Variants in NUP160 observed in about 807,000 individuals in gnomAD.
NUP160 encodes nucleoporin 160.
A neutral mutation model predicts 196.9 loss-of-function variants in NUP160; 94 were observed. The ratio of observed to expected loss-of-function variants is 0.48; its 90% confidence interval spans 0.40 to 0.57. The LOEUF (loss-of-function observed/expected upper bound fraction) is 0.57, where lower values mean the gene tolerates loss of function less well. Among genes scored for constraint, NUP160 ranks in the 20% least tolerant of loss-of-function variants. NUP160 has a pLI of 0.00. For synonymous variants in NUP160, 605 were observed against 619.7 expected, an observed-to-expected ratio of 0.98 and a Z score of 0.35; for missense variants, 1,638 against 1,748.3, an observed-to-expected ratio of 0.94 and a Z score of 1.13.
At chr11:47,809,910 G>A (rs2097680145) in intron 17 of NUP160, among the ~76,000 whole-genome samples, 1 of 151,770 alleles carries the variant, frequency 6.6e-6, no homozygotes, top group African/African-American at 2.4e-5. Flanking sequence ...AATGTGCATG[G>A]AAAAAAACGT....
At chr11:47,829,224 T>C (rs1276303681) in intron 7 of NUP160, among the ~76,000 whole-genome samples, 1 of 152,198 alleles carries the variant, frequency 6.6e-6, no homozygotes, top group Non-Finnish European at 1.5e-5. Flanking sequence ...TCCAGAATAA[T>C]ACAGTTACAT....
intron 7 of NUP160, among the ~76,000 whole-genome samples, chr11:47,824,551 A>G (rs1471979647): frequency 3.3e-5 from 5 of 151,238 alleles, no homozygotes; most frequent in Admixed American, 3.3e-4. Context: ...CGGAGCTTGC[A>G]GTGAGTCAAG....
At chr11:47,802,090 G>A (rs1396882855) in intron 22 of NUP160, among the ~76,000 whole-genome samples, 160 bp from the exon 23 acceptor site, 1 of 152,188 alleles carries the variant, frequency 6.6e-6, no homozygotes, top group African/African-American at 2.4e-5. Context: ...TCTATGTGAT[G>A]CATTCATATT....
chr11:47,780,540 C>T (rs929991548), intron 34 of NUP160, 93 bp from the exon 35 acceptor site: 4 of 424,506 alleles, frequency 9.4e-6, no homozygotes, highest in East Asian at 4.9e-5. Flanking sequence ...ATAAAATACC[C>T]TTTTTTTTTT....
At chr11:47,778,118 T>C (rs2097658597) in exon 36 of NUP160, 1 of 140,464 alleles carries the variant, frequency 7.1e-6, no homozygotes, top group Non-Finnish European at 1.5e-5. Flanking sequence ...GAAACTCACA[T>C]TGTTAATTAA....
chr11:47,842,506 G>T (rs546447011), intron 2 of NUP160, among the ~76,000 whole-genome samples: 12 of 152,186 alleles, frequency 7.9e-5, no homozygotes, highest in African/African-American at 2.6e-4. Flanking sequence ...GGGGCCTCAA[G>T]GAAAACATAC....
chr11:47,825,134 C>A (rs1851943746), intron 7 of NUP160, among the ~76,000 whole-genome samples: 1 of 151,936 alleles, frequency 6.6e-6, no homozygotes, highest in Non-Finnish European at 1.5e-5. Flanking sequence ...CCGCGCCCAG[C>A]CGGACTTTTA....
chr11:47,795,738 A>G (rs2904127), intron 27 of NUP160, among the ~76,000 whole-genome samples: 52,668 of 152,090 alleles, frequency 0.35, 10,568 homozygotes, highest in South Asian at 0.52. Flanking sequence ...CTTCAAAAAT[A>G]TCAATGTCAT....
chr11:47,785,780 T>C (rs1309953697), intron 32 of NUP160, among the ~76,000 whole-genome samples: 2 of 152,344 alleles, frequency 1.3e-5, no homozygotes, highest in East Asian at 3.9e-4. Flanking sequence ...TGTATTTTAA[T>C]AAGTTATTCT....
chr11:47,785,044 G>A lies in NUP160; in HGVS notation c.3868C>T (p.Arg1290Ter), dbSNP rs1404041957. Residue 1290 changes from arginine (R) to a stop codon, truncating the protein, a stop_gained, in exon 33 of 36, where the codon CGA becomes TGA. Coordinates refer to ENST00000378460, the Ensembl canonical transcript of NUP160. LOFTEE classifies it high-confidence loss of function. ...CTCTCCAGGTAAGTGGATAATAGTC[G>A]CCATGCTTCATCTGTAGCACTTGAA... 8 of 1,512,986 alleles carry A rather than the reference G, an allele frequency of 5.3e-6. No homozygotes were observed. The highest frequency in any genetic ancestry group is 2.5e-5 in the East Asian group (1 of 40,468). The allele number at this position is 1,512,986 out of a possible 1,614,324, so 93.7% of individuals were successfully genotyped here.
chr11:47,839,485 G>A, intron 4 of NUP160: 2 of 254,220 alleles, frequency 7.9e-6, no homozygotes, highest in Non-Finnish European at 1.5e-5. Flanking sequence ...CAATAATCCA[G>A]GCAAGACACA....
At chr11:47,814,658 T>C (rs1414498210) in intron 13 of NUP160, among the ~76,000 whole-genome samples, 1 of 152,062 alleles carries the variant, frequency 6.6e-6, no homozygotes, top group East Asian at 1.9e-4. Flanking sequence ...GAATATAAGC[T>C]GTATAATATT....
chr11:47,785,056 C>T lies in NUP160; in HGVS notation c.3856G>A (p.Asp1286Asn), dbSNP rs780453055. Residue 1286 changes from aspartate (D) to asparagine (N), a missense_variant, in exon 33 of 36, where the codon GAT (aspartate) becomes AAT (asparagine). Physicochemically the swap from Asp to Asn is conservative, Grantham distance 23. Around this residue, in one of 3 missense-constraint regions of NUP160, gnomAD observed 1,345 missense variants for 1,470.2 expected, o/e 0.91. Coordinates refer to ENST00000378460, the Ensembl canonical transcript of NUP160. ...GTGGATAATAGTCGCCATGCTTCAT[C>T]TGTAGCACTTGAAAAAAACAAAAAT... 47 of 1,467,258 alleles carry T rather than the reference C, an allele frequency of 3.2e-5. No homozygotes were observed. Among genetic ancestry groups the T allele is most frequent in the South Asian group, 2.6e-4 (19 of 72,674 alleles). 90.9% of individuals were successfully genotyped at this position (1,467,258 alleles called of 1,614,324 possible). A position where few individuals can be genotyped will look rare whatever the true frequency, so the allele number is the denominator to read the frequency against.
intron 9 of NUP160, among the ~76,000 whole-genome samples, chr11:47,819,800 A>G (rs898970182): frequency 2.0e-5 from 3 of 152,204 alleles, no homozygotes; most frequent in Non-Finnish European, 4.4e-5. Flanking sequence ...TATTTGCTAG[A>G]TATTATGCTA....
At chr11:47,845,063 A>G (rs1054182514) in intron 2 of NUP160, among the ~76,000 whole-genome samples, 1 of 152,238 alleles carries the variant, frequency 6.6e-6, no homozygotes, top group Non-Finnish European at 1.5e-5. Flanking sequence ...CCTGTTTAGC[A>G]TATCATCAAG....
At chr11:47,822,039 C>T (rs1282145571) in intron 8 of NUP160, 48 bp downstream of exon 8, 1 of 1,270,148 alleles carries the variant, frequency 7.9e-7, no homozygotes. Context: ...TTAGTCAATA[C>T]TTCTTTTTCT....
chr11:47,822,015 A>T lies in NUP160; in HGVS notation c.1179+72T>A, dbSNP rs79061421. ...TCCATTTTAAGACTACAATCCCATT[A>T]TACCATAACAGAGTTAGTCAATACT... On this transcript the variant is annotated intron_variant, in intron 8 of 35. Coordinates refer to ENST00000378460, the Ensembl canonical transcript of NUP160. The T allele has an allele frequency of 1.9e-3, 2,059 of 1,096,490 alleles. 33 individuals are homozygous for T. The African/African-American group carries it at 0.029, about 15-fold the overall frequency. 67.9% of individuals were successfully genotyped at this position (1,096,490 alleles called of 1,614,324 possible). A position where few individuals can be genotyped will look rare whatever the true frequency, so the allele number is the denominator to read the frequency against.
intron 29 of NUP160, among the ~76,000 whole-genome samples, chr11:47,791,504 C>G (rs758696169): frequency 1.4e-4 from 21 of 152,080 alleles, no homozygotes; most frequent in Non-Finnish European, 1.9e-4. Flanking sequence ...TACTGCCCAG[C>G]TAATTTTTGT....
At chr11:47,778,963 C>T (rs1293675568) in exon 36 of NUP160, 2 of 649,386 alleles carry the variant, frequency 3.1e-6, no homozygotes, top group Non-Finnish European at 5.6e-6. Context: ...TTCCGCCCTC[C>T]TATCTTGTGC....
Sources: allele counts gnomAD v4.1 joint callset (sites outside exome capture counted in the v4.1 genomes callset), GRCh38; gene constraint gnomAD v4.1.1; regional missense constraint gnomAD v4.1.1; transcripts MANE v1.5; gene names NCBI Gene and HGNC (gene_info 2026-07-23, HGNC 2026-07-21).